The following GAB4 variants were observed in gnomAD, a reference collection of about 807,000 sequenced individuals.
GAB4 encodes GRB2-associated-binding protein 4.
A neutral mutation model predicts 51.3 loss-of-function variants in GAB4; 26 were observed. The observed-to-expected ratio is 0.51, with a 90% CI of 0.37 to 0.70. The LOEUF is 0.70. GAB4 is among the 30% of genes least tolerant of loss of function. The pLI is 0.00. For missense variants in GAB4, 759 were observed against 734.6 expected (o/e 1.03, Z -0.38); for synonymous variants, 329 against 291.2 (o/e 1.13, Z -1.32).
Position 16,966,185 on chromosome 22 carries a change from T to C in GAB4, c.1203A>G (p.Thr401=), listed in dbSNP as rs2060671099. The part of the protein sequence containing the change: ...VRFDLLGSPL[T]ELSMHQDLSQ... ...TGAGGTCTTGGTGCATAGAAAGCTC[T>C]GTGAGTGGGGAGCCAAGCAGGTCAA... The change falls in exon 6 of 10, where the codon ACA becomes ACG. Residue 401 remains threonine, a synonymous_variant. Coordinates refer to ENST00000400588, the MANE Select transcript of GAB4 (RefSeq NM_001037814.1). The C allele has an allele frequency of 6.2e-7, 1 of 1,613,916 alleles. No homozygotes were observed.
At chr22:16,985,891 C>A (rs988161058) in intron 3 of GAB4, among the ~76,000 whole-genome samples, 4 of 152,184 alleles carry the variant, frequency 2.6e-5, no homozygotes, top group Non-Finnish European at 4.4e-5. Flanking sequence ...ACACAGAAAT[C>A]CATAACACGA....
At chr22:16,997,836 A>C (rs2123717205) in intron 1 of GAB4, among the ~76,000 whole-genome samples, 1 of 152,352 alleles carries the variant, frequency 6.6e-6, no homozygotes, top group South Asian at 2.1e-4. Context: ...GGTACAAGGA[A>C]GGGATCCAGT....
chr22:16,966,609 T>C (rs1211081700), intron 5 of GAB4: 2 of 518,292 alleles, frequency 3.9e-6, no homozygotes, highest in East Asian at 3.1e-5. Context: ...GCAGCTTCCA[T>C]GACACAGTCA....
intron 3 of GAB4, among the ~76,000 whole-genome samples, chr22:16,978,243 G>T (rs2060796728): frequency 6.6e-6 from 1 of 152,142 alleles, no homozygotes; most frequent in Non-Finnish European, 1.5e-5. Context: ...GAATCCACGA[G>T]CTGTCTTTTG....
intron 2 of GAB4, among the ~76,000 whole-genome samples, chr22:16,990,698 A>G (rs1357077197): frequency 6.6e-6 from 1 of 152,200 alleles, no homozygotes; most frequent in Non-Finnish European, 1.5e-5. Flanking sequence ...CTGGGGGTCT[A>G]TCAGCACCAA....
Position 16,988,038 on chromosome 22 carries a change from G to A in GAB4, c.608C>T (p.Pro203Leu), listed in dbSNP as rs200048737. The change falls in exon 3 of 10, where the codon CCG becomes CTG. Residue 203 changes from proline to leucine, a missense_variant. Transcript: ENST00000400588. ...AGGTGCAGGGATGGGCCAGGTGGGC[G>A]GCACACAGTGAGACACCGGGGGCTC... ...TSEPPVSHCV[P>L]PTWPIPAPPG... 6.3e-5 allele frequency: 101 copies of A among 1,608,226 alleles called. No individual in the cohort carries two copies. The African/African-American group carries it at 9.4e-4, about 15-fold the overall frequency.
At chr22:16,994,078 T>C (rs1019542386) in intron 1 of GAB4, among the ~76,000 whole-genome samples, 5 of 152,196 alleles carry the variant, frequency 3.3e-5, no homozygotes, top group Non-Finnish European at 2.9e-5. Flanking sequence ...AAATTAGAAA[T>C]TTGGTTTCAG....
intron 3 of GAB4, 100 bp downstream of exon 3, chr22:16,987,860 T>C (rs765246574): frequency 5.7e-6 from 5 of 874,698 alleles, no homozygotes; most frequent in Non-Finnish European, 8.9e-6. Flanking sequence ...AAAGATATAA[T>C]ATTTTATGTC....
At chr22:16,979,549 C>T (rs753600027) in intron 3 of GAB4, among the ~76,000 whole-genome samples, 6 of 152,158 alleles carry the variant, frequency 3.9e-5, no homozygotes, top group South Asian at 2.1e-4. Flanking sequence ...ACATTCCATG[C>T]TCATGGATAG....
At chr22:17,000,145 T>C (rs868767504) in intron 1 of GAB4, among the ~76,000 whole-genome samples, 1 of 152,228 alleles carries the variant, frequency 6.6e-6, no homozygotes, top group Non-Finnish European at 1.5e-5. Flanking sequence ...GTTCTGTAGA[T>C]GTCTATTAGG....
intron 1 of GAB4, among the ~76,000 whole-genome samples, chr22:16,999,065 C>A (rs890677435): frequency 6.6e-6 from 1 of 152,170 alleles, no homozygotes; most frequent in Non-Finnish European, 1.5e-5. Flanking sequence ...AGCATTTTTG[C>A]ATTGATGTTC....
intron 8 of GAB4, 50 bp downstream of exon 8, chr22:16,964,716 G>C: frequency 7.6e-7 from 1 of 1,322,508 alleles, no homozygotes; most frequent in Non-Finnish European, 1.1e-6. Context: ...CATGAGTGTG[G>C]GTCCCAGGGG....
In GAB4 at chr22:16,962,680, C is replaced by T. The variant is rs374850811; in HGVS notation, c.*53G>A. On this transcript the variant is annotated 3_prime_UTR_variant, in exon 10 of 10. Coordinates refer to ENST00000400588, the MANE Select transcript of GAB4 (RefSeq NM_001037814.1). ...GATATTACAGAGCTTTAGAGTGTGG[C>T]GGAGCAGCTCTGAGGCACTGTCCTG... 90 of 1,538,866 alleles carry T rather than the reference C, an allele frequency of 5.8e-5. No individual in the cohort carries two copies. The Admixed American group carries it at 6.5e-4, about 11-fold the overall frequency.
At position 16,988,039 on chromosome 22, in the gene GAB4, G is replaced by T. The variant is rs1403783013; in HGVS notation, c.607C>A (p.Pro203Thr). 6.2e-7 allele frequency: 1 copy of T among 1,608,120 alleles called. No homozygotes were observed. Among genetic ancestry groups the T allele is most frequent in the South Asian group, 1.1e-5 (1 of 89,974 alleles). Residue 203 changes from proline to threonine, a missense_variant, in exon 3 of 10, where the codon CCG becomes ACG. Around this residue, in one of 3 missense-constraint regions of GAB4, gnomAD observed 588 missense variants for 510.2 expected, o/e 1.15. Coordinates refer to ENST00000400588, the MANE Select transcript of GAB4 (RefSeq NM_001037814.1). Reference sequence around the variant, plus strand: ...GGTGCAGGGATGGGCCAGGTGGGCGGCACACAGTGAGACACCGGGGGCTCA... The same window carrying T: ...GGTGCAGGGATGGGCCAGGTGGGCGTCACACAGTGAGACACCGGGGGCTCA... Reference protein sequence around the residue: ...TSEPPVSHCVPPTWPIPAPPG... With the variant: ...TSEPPVSHCVTPTWPIPAPPG...
At chr22:16,981,315 GA>G (rs530389075) in intron 3 of GAB4, among the ~76,000 whole-genome samples, 2 of 151,468 alleles carry the variant, frequency 1.3e-5, no homozygotes, top group South Asian at 2.1e-4. Context: ...AATTTAGAGT[GA>G]AAAAAATAAA....
chr22:16,986,200 A>G (rs1485113710), intron 3 of GAB4, among the ~76,000 whole-genome samples: 1 of 152,148 alleles, frequency 6.6e-6, no homozygotes, highest in Non-Finnish European at 1.5e-5. Context: ...CCTGCAGATG[A>G]GCTGCACTGG....
At chr22:16,966,509 A>G (rs2060676903) in intron 5 of GAB4, 145 bp from the exon 6 acceptor site, 4 of 808,366 alleles carry the variant, frequency 4.9e-6, no homozygotes, top group Non-Finnish European at 7.6e-6. Flanking sequence ...TGCTGTCTTC[A>G]GCAGCCACCT....
At chr22:16,998,555 T>G (rs1305928042) in intron 1 of GAB4, among the ~76,000 whole-genome samples, 1 of 152,216 alleles carries the variant, frequency 6.6e-6, no homozygotes, top group Non-Finnish European at 1.5e-5. Flanking sequence ...GCTGAGACGA[T>G]GGGGTTTTCT....
chr22:16,963,832 GCTGT>G lies in GAB4; in HGVS notation c.1477-7_1477-4del, dbSNP rs759880212. 1 of 1,612,352 alleles carries G rather than the reference GCTGT, an allele frequency of 6.2e-7. No individual in the cohort carries two copies. Among genetic ancestry groups the G allele is most frequent in the Admixed American group, 1.7e-5 (1 of 60,010 alleles). Reference sequence around the variant, plus strand: ...ACAGGAAATGCAGATGCCGGGTTCTGCTGTCACAAGGAGGAAAATCCTGCAAATG... The same window carrying G: ...ACAGGAAATGCAGATGCCGGGTTCTGCACAAGGAGGAAAATCCTGCAAATG... On this transcript the variant is annotated splice_region_variant and splice_polypyrimidine_tract_variant and intron_variant, in intron 8 of 9. Transcript: ENST00000400588.
Sources: gnomAD v4.1 joint callset for allele counts (sites outside exome capture counted in the v4.1 genomes callset) on GRCh38, gnomAD v4.1.1 for gene constraint, gnomAD v4.1.1 regional missense constraint, MANE v1.5 for transcripts, NCBI Gene and HGNC (gene_info 2026-07-23, HGNC 2026-07-21) for gene names.